TTYH3: variants seen among roughly 807,000 people sequenced by gnomAD.
The protein encoded by TTYH3 is protein tweety homolog 3.
Under a neutral mutation model 68.2 loss-of-function variants are expected in TTYH3, and 23 were observed. The observed-to-expected ratio is 0.34, with a 90% CI of 0.24 to 0.48. TTYH3 has a LOEUF of 0.48. Ranked by LOEUF, TTYH3 falls within the 20% of genes least tolerant of loss-of-function variation. The pLI, the probability that TTYH3 is intolerant of heterozygous loss-of-function variation, is 0.99. For synonymous variants in TTYH3, 360 were observed against 332.8 expected (o/e 1.08, Z -0.89); for missense variants, 768 against 727.7 (o/e 1.06, Z -0.64).
chr7:2,647,928 T>G (rs1477586437), intron 4 of TTYH3, 31 bp from the exon 5 acceptor site: 2 of 1,600,998 alleles, frequency 1.2e-6, no homozygotes, highest in Non-Finnish European at 1.7e-6. Context: ...CGGGTCCCTG[T>G]GCCCTGGCGC....
rs781354937 is a variant in TTYH3 at position 2,647,918 on chromosome 7, C to T, written c.627-41C>T. On this transcript the variant is annotated intron_variant, in intron 4 of 13. Transcript: ENST00000258796. ...CCCCTGGCGCCCCACTCCCAGGCCC[C>T]GGGTCCCTGTGCCCTGGCGCACTCC... is the stretch of plus-strand genomic sequence containing the variant. 6.3e-6 allele frequency: 10 copies of T among 1,598,526 alleles called. No homozygotes were observed. The African/African-American group carries it at 6.7e-5, about 11-fold the overall frequency.
rs1027041901 is a variant in TTYH3 at position 2,663,090 on chromosome 7, G to C, written c.*1351G>C. 4.6e-5 allele frequency: 7 copies of C among 152,366 alleles called. No homozygotes were observed. Among genetic ancestry groups the C allele is most frequent in the Non-Finnish European group, 8.8e-5 (6 of 68,112 alleles). The allele number at this position is 152,366 out of a possible 1,614,324, so 9.4% of individuals were successfully genotyped here. ...GCTGTGCTTCCCGCCGTGGAGGGCA[G>C]AGCCACCCCACATCAGGATCGGACG... On this transcript the variant is annotated 3_prime_UTR_variant, in exon 14 of 14. Coordinates refer to ENST00000258796, the MANE Select transcript of TTYH3 (RefSeq NM_025250.3).
intron 1 of TTYH3, among the ~76,000 whole-genome samples, chr7:2,636,918 G>T (rs563343190): frequency 6.6e-6 from 1 of 152,264 alleles, no homozygotes; most frequent in South Asian, 2.1e-4. Context: ...GTCCCCAGGA[G>T]ACTCTGGGGT....
intron 5 of TTYH3, 96 bp from the exon 6 acceptor site, chr7:2,649,471 G>T (rs908986058): frequency 5.8e-5 from 72 of 1,244,808 alleles, no homozygotes; most frequent in Non-Finnish European, 7.1e-5. Flanking sequence ...GCTGACCCCT[G>T]ATGTGCACTG....
chr7:2,659,895 C>G, intron 13 of TTYH3: 1 of 1,205,888 alleles, frequency 8.3e-7, no homozygotes, highest in Non-Finnish European at 1.1e-6. Flanking sequence ...GCCACACTCT[C>G]TCTCTCTCTC....
chr7:2,647,672 G>A (rs764115706), intron 4 of TTYH3, 34 bp downstream of exon 4: 7 of 1,533,476 alleles, frequency 4.6e-6, no homozygotes, highest in African/African-American at 1.4e-5. Context: ...CCCGCCCCAC[G>A]TGGGAAAGCA....
chr7:2,654,821 G>A (rs547192294), intron 9 of TTYH3, among the ~76,000 whole-genome samples: 1 of 152,242 alleles, frequency 6.6e-6, no homozygotes, highest in African/African-American at 2.4e-5. Flanking sequence ...GTCTCTCTCT[G>A]TTGCCCAGGC....
chr7:2,632,045 G>T lies in TTYH3; in HGVS notation c.-111G>T, dbSNP rs1449527131. The T allele has an allele frequency of 3.2e-5, 32 of 1,015,380 alleles. No individual in the cohort carries two copies. Among genetic ancestry groups the T allele is most frequent in the Non-Finnish European group, 3.9e-5 (32 of 810,426 alleles). The allele number at this position is 1,015,380 out of a possible 1,614,324, so 62.9% of individuals were successfully genotyped here. A position where few individuals can be genotyped will look rare whatever the true frequency, so the allele number is the denominator to read the frequency against. On this transcript the variant is annotated 5_prime_UTR_variant, in exon 1 of 14. Coordinates refer to ENST00000258796, the MANE Select transcript of TTYH3 (RefSeq NM_025250.3). Reference sequence around the variant, plus strand: ...GGCCGGGCCGGGCCCAGGAGCGCGCGGATGATGCGGGCGGCCAGGCGGGGG... The same window carrying T: ...GGCCGGGCCGGGCCCAGGAGCGCGCTGATGATGCGGGCGGCCAGGCGGGGG...
chr7:2,640,952 C>G (rs765689645), intron 1 of TTYH3, among the ~76,000 whole-genome samples: 1 of 152,198 alleles, frequency 6.6e-6, no homozygotes, highest in Non-Finnish European at 1.5e-5. Context: ...GCTGCAGCAC[C>G]GGGTTTGGGC....
chr7:2,656,622 G>T, intron 11 of TTYH3, 88 bp downstream of exon 11: 2 of 1,482,036 alleles, frequency 1.3e-6, no homozygotes. Context: ...GGACACCCAT[G>T]TGCCAGTCCC....
At chr7:2,651,836 T>G (rs753873049) in intron 7 of TTYH3, among the ~76,000 whole-genome samples, 1 of 152,196 alleles carries the variant, frequency 6.6e-6, no homozygotes, top group South Asian at 2.1e-4. Context: ...GTGGGGACTC[T>G]GGCTTGATGG....
At chr7:2,646,194 T>C (rs964570702) in intron 1 of TTYH3, among the ~76,000 whole-genome samples, 4 of 152,138 alleles carry the variant, frequency 2.6e-5, no homozygotes, top group African/African-American at 7.2e-5. Context: ...TTTGTACTTT[T>C]AGTAGAGATG....
In TTYH3 at chr7:2,652,199, A is replaced by C; in HGVS notation, c.884A>C (p.Tyr295Ser). Residue 295 changes from tyrosine (Y) to serine (S), a missense_variant, in exon 8 of 14, where the codon TAC becomes TCC. Physicochemically the swap from Tyr to Ser is moderately radical, Grantham distance 144 (BLOSUM62 -2). Transcript: ENST00000258796. ...TGTCTCTCCGCAGACATCCTGCAGT[A>C]CTACCTGGCCTGCTCGCCCCGCGCC... Reference protein sequence around the residue: ...YSVLSGDILQYYLACSPRAAN... With the variant: ...YSVLSGDILQSYLACSPRAAN... 6.2e-7 allele frequency: 1 copy of C among 1,613,354 alleles called. No individual in the cohort carries two copies. Among genetic ancestry groups the C allele is most frequent in the Non-Finnish European group, 8.5e-7 (1 of 1,180,004 alleles).
chr7:2,657,842 G>T (rs1006558861), intron 11 of TTYH3, among the ~76,000 whole-genome samples: 1 of 152,208 alleles, frequency 6.6e-6, no homozygotes, highest in African/African-American at 2.4e-5. Flanking sequence ...CCAGAGGCTC[G>T]CGCAGAGTGG....
chr7:2,643,810 A>ATAG, intron 1 of TTYH3, among the ~76,000 whole-genome samples: 1 of 102,782 alleles, frequency 9.7e-6, no homozygotes, highest in African/African-American at 5.0e-5. Flanking sequence ...TGCGGAGGTC[A>ATAG]CACCTGTTTA....
At chr7:2,638,111 C>T (rs919963173) in intron 1 of TTYH3, among the ~76,000 whole-genome samples, 6 of 152,094 alleles carry the variant, frequency 3.9e-5, no homozygotes, top group Non-Finnish European at 5.9e-5. Context: ...GTCTGGGGTT[C>T]GGCCGTGCCC....
rs773510160 is a variant in TTYH3 at position 2,656,473 on chromosome 7, G to C, written c.1189G>C (p.Val397Leu). ...CATCTACCTGGCCCTCTTCTCCTTCGTCACAGCCCTCATGTTCAGCTCCAT... is the reference window on the plus strand; with the variant it reads ...CATCTACCTGGCCCTCTTCTCCTTCCTCACAGCCCTCATGTTCAGCTCCAT... ...GLIYLALFSF[V>L]TALMFSSIVC... The change falls in exon 11 of 14, where the codon GTC becomes CTC. Residue 397 changes from valine to leucine, a missense_variant. Coordinates refer to ENST00000258796, the MANE Select transcript of TTYH3 (RefSeq NM_025250.3). 1.9e-6 allele frequency: 3 copies of C among 1,612,146 alleles called. No individual in the cohort carries two copies. The highest frequency in any genetic ancestry group is 1.7e-6 in the Non-Finnish European group (2 of 1,179,768).
intron 1 of TTYH3, among the ~76,000 whole-genome samples, chr7:2,637,118 C>T (rs568002824): frequency 6.6e-5 from 10 of 152,180 alleles, no homozygotes; most frequent in Non-Finnish European, 1.5e-4. Context: ...GCCTGCCCCC[C>T]ACTCGCCTGA....
At chr7:2,644,275 C>T (rs1760488952) in intron 1 of TTYH3, among the ~76,000 whole-genome samples, 1 of 152,178 alleles carries the variant, frequency 6.6e-6, no homozygotes, top group East Asian at 1.9e-4. Context: ...GTGGGGTCAG[C>T]ACCTCCACTC....
Sources: gnomAD v4.1 joint callset for allele counts (sites outside exome capture counted in the v4.1 genomes callset) on GRCh38, gnomAD v4.1.1 for gene constraint, MANE v1.5 for transcripts, NCBI Gene and HGNC (gene_info 2026-07-23, HGNC 2026-07-21) for gene names.